AKAP13: variants seen among roughly 807,000 people sequenced by gnomAD.
AKAP13 encodes the protein A-kinase anchoring protein 13, also known as A-kinase anchor protein 13.
In AKAP13, 80 loss-of-function variants were observed where a neutral mutation model predicts 264.5. That is an observed-to-expected ratio of 0.30 (90% CI 0.25 to 0.36). The LOEUF (loss-of-function observed/expected upper bound fraction) is 0.36. AKAP13 is among the 10% of genes least tolerant of loss of function. The probability of loss-of-function intolerance (pLI) is 1.00; values close to 1 mark genes in which losing one functional copy is unlikely to be tolerated. For missense variants in AKAP13, 3,712 were observed against 3,435.2 expected, an observed-to-expected ratio of 1.08 and a Z score of -2.01; for synonymous variants, 1,380 against 1,250.2, an observed-to-expected ratio of 1.10 and a Z score of -2.19.
chr15:85,507,335 A>G (rs1336300679), intron 2 of AKAP13, among the ~76,000 whole-genome samples: 6 of 151,458 alleles, frequency 4.0e-5, no homozygotes. Flanking sequence ...GTTGAAACAC[A>G]GTCACTCCCA....
At chr15:85,612,825 C>CA (rs1221143046) in intron 8 of AKAP13, among the ~76,000 whole-genome samples, 682 of 41,296 alleles carry the variant, frequency 0.017, 6 homozygotes, top group African/African-American at 0.021. Flanking sequence ...CCCTGTCTCA[C>CA]AAAAAAAAAA....
intron 33 of AKAP13, among the ~76,000 whole-genome samples, chr15:85,738,385 G>A (rs992073799): frequency 1.1e-4 from 16 of 151,412 alleles, no homozygotes; most frequent in Admixed American, 2.0e-4. Flanking sequence ...GTGAAACTCC[G>A]TATCCATCTC....
chr15:85,736,005 G>C, intron 32 of AKAP13, 85 bp from the exon 33 acceptor site: 1 of 1,099,698 alleles, frequency 9.1e-7, no homozygotes, highest in Non-Finnish European at 1.4e-6. Context: ...AAAATGGAAA[G>C]CTACAGCCTA....
chr15:85,575,106 A>G (rs1214599412), intron 5 of AKAP13, 25 bp from the exon 6 acceptor site: 6 of 1,609,886 alleles, frequency 3.7e-6, no homozygotes, highest in Non-Finnish European at 5.1e-6. Flanking sequence ...ATGTATATAT[A>G]TTAACCAGAG....
At position 85,727,964 on chromosome 15, in the gene AKAP13, T is replaced by C. The variant is rs747140598; in HGVS notation, c.7087+501T>C. Among the ~76,000 whole-genome samples, 4 of 152,194 alleles carry C rather than the reference T, an allele frequency of 2.6e-5. No homozygotes were observed. The highest frequency in any genetic ancestry group is 4.4e-5 in the Non-Finnish European group (3 of 68,034). On this transcript the variant is annotated intron_variant, in intron 29 of 36. Transcript: ENST00000394518. The surrounding 1 kb of genome is among the most constrained non-coding windows in gnomAD (Gnocchi z 5.3). ...CTATGTTTGACCCTTATTTATTGAG[T>C]GCTGACTGTTTTGTGTAGTCTTGTC...
intron 2 of AKAP13, among the ~76,000 whole-genome samples, chr15:85,517,576 T>C (rs897542762): frequency 6.6e-6 from 1 of 152,236 alleles, no homozygotes; most frequent in Admixed American, 6.5e-5. Flanking sequence ...GCCATTATTA[T>C]AGTATGTAGC....
At chr15:85,651,729 C>T (rs944102825) in intron 10 of AKAP13, 2 of 152,186 alleles carry the variant, frequency 1.3e-5, no homozygotes, top group African/African-American at 2.4e-5. Context: ...CATGTCTCTT[C>T]TCAGTCGGTC....
chr15:85,452,270 A>T, intron 1 of AKAP13, among the ~76,000 whole-genome samples: 2 of 146,162 alleles, frequency 1.4e-5, no homozygotes, highest in Non-Finnish European at 3.0e-5. Context: ...CTCCTGTATC[A>T]CTTTATTATG....
rs1597220581 is a variant in AKAP13, at chr15:85,735,506, T to A, written c.7442-54T>A. 4 of 1,558,428 alleles carry A rather than the reference T, an allele frequency of 2.6e-6. No individual in the cohort carries two copies. The Admixed American group carries it at 7.4e-5, about 29-fold the overall frequency. On this transcript the variant is annotated intron_variant, in intron 31 of 36. Coordinates refer to ENST00000394518, the MANE Select transcript of AKAP13 (RefSeq NM_007200.5). ...AGATGCCTATATGATATTCTTTCCT[T>A]GGCTAATCTGTTTCACAACTTTAAA...
chr15:85,483,775 C>T (rs750207830), intron 1 of AKAP13, among the ~76,000 whole-genome samples: 33 of 152,098 alleles, frequency 2.2e-4, no homozygotes, highest in Non-Finnish European at 4.4e-4. Flanking sequence ...TGTGCCACTG[C>T]GCTCTAGCCT....
At chr15:85,511,177 T>C (rs1257178005) in intron 2 of AKAP13, among the ~76,000 whole-genome samples, 2 of 152,252 alleles carry the variant, frequency 1.3e-5, no homozygotes, top group Non-Finnish European at 2.9e-5. Flanking sequence ...TTGCCTCTTT[T>C]GGCTTTGCTG....
At chr15:85,530,281 C>G (rs772682636) in intron 3 of AKAP13, among the ~76,000 whole-genome samples, 2 of 152,178 alleles carry the variant, frequency 1.3e-5, no homozygotes, top group Non-Finnish European at 2.9e-5. Context: ...AATTTCTGTG[C>G]TGATACTTAC....
chr15:85,557,276 C>T (rs1037691996), intron 5 of AKAP13, among the ~76,000 whole-genome samples: 3 of 152,164 alleles, frequency 2.0e-5, no homozygotes, highest in Non-Finnish European at 4.4e-5. Flanking sequence ...TATCTATCTG[C>T]AGAACCTTGG....
chr15:85,627,592 C>G (rs1386700958), intron 8 of AKAP13: 1 of 152,210 alleles, frequency 6.6e-6, no homozygotes, highest in African/African-American at 2.4e-5. Flanking sequence ...AGGGTCCACC[C>G]TTGTTAGAGA....
intron 12 of AKAP13, among the ~76,000 whole-genome samples, chr15:85,662,933 C>A (rs1429623878): frequency 2.0e-5 from 3 of 152,188 alleles, no homozygotes; most frequent in Admixed American, 2.0e-4. Flanking sequence ...TTAAGTTTTG[C>A]AGTAAGCATA....
At chr15:85,471,190 A>T (rs762071226) in intron 1 of AKAP13, among the ~76,000 whole-genome samples, 2 of 152,170 alleles carry the variant, frequency 1.3e-5, no homozygotes, top group Non-Finnish European at 2.9e-5. Flanking sequence ...GATATTTTTT[A>T]AAAGTTTAAA....
At chr15:85,599,620 G>A (rs543318109) in intron 8 of AKAP13, among the ~76,000 whole-genome samples, 2 of 152,308 alleles carry the variant, frequency 1.3e-5, no homozygotes, top group African/African-American at 4.8e-5. Context: ...GCCTAACAAT[G>A]CCAAGTTTTC....
Position 85,722,357 on chromosome 15 carries a change from C to T in AKAP13, c.6496+10C>T, listed in dbSNP as rs2087337564. ...TTGCAGTGTACCAAAGGTAAGTCTC[C>T]TTTCTAACTCGGTCTTGTATGGTCA... On this transcript the variant is annotated intron_variant, in intron 25 of 36. Coordinates refer to ENST00000394518, the MANE Select transcript of AKAP13 (RefSeq NM_007200.5). 1 of 1,597,438 alleles carries T rather than the reference C, an allele frequency of 6.3e-7. No homozygotes were observed. The highest frequency in any genetic ancestry group is 8.5e-7 in the Non-Finnish European group (1 of 1,171,310).
At chr15:85,741,726 AAAC>A (rs750682199) in intron 35 of AKAP13, among the ~76,000 whole-genome samples, 26,591 of 103,830 alleles carry the variant, frequency 0.26, 3,287 homozygotes, top group Middle Eastern at 0.47. Context: ...ACAAACAAAC[AAAC>A]AAAAAAAAAA....
Sources: gnomAD v4.1 joint callset for allele counts (sites outside exome capture counted in the v4.1 genomes callset) on GRCh38, gnomAD v4.1.1 for gene constraint, Gnocchi (gnomAD v3.1) non-coding constraint, MANE v1.5 for transcripts, NCBI Gene and HGNC (gene_info 2026-07-23, HGNC 2026-07-21) for gene names.